The following INPP5A variants were observed in gnomAD, a reference collection of about 807,000 sequenced individuals.
INPP5A encodes the protein 43 kDa inositol polyphosphate 5-phophatase.
In INPP5A, 14 loss-of-function variants were observed where a neutral mutation model predicts 65.2. The observed-to-expected ratio is 0.21, with a 90% CI of 0.14 to 0.34. INPP5A has a LOEUF of 0.34. INPP5A is among the 10% of genes least tolerant of loss of function. The pLI is 1.00. For missense variants in INPP5A, 431 were observed against 545.6 expected (o/e 0.79, Z 2.09); for synonymous variants, 207 against 208.3 (o/e 0.99, Z 0.05).
intron 2 of INPP5A, among the ~76,000 whole-genome samples, chr10:132,617,449 C>G (rs1270266707): frequency 6.6e-6 from 1 of 152,198 alleles, no homozygotes; most frequent in Non-Finnish European, 1.5e-5. Flanking sequence ...CGCTCACTGC[C>G]TGGGTGAGAG....
intron 2 of INPP5A, among the ~76,000 whole-genome samples, chr10:132,632,611 G>A (rs1406060413): frequency 6.6e-6 from 1 of 152,196 alleles, no homozygotes; most frequent in African/African-American, 2.4e-5. Flanking sequence ...CACCACCACT[G>A]CACCCCGCCC....
intron 1 of INPP5A, among the ~76,000 whole-genome samples, chr10:132,577,398 C>T (rs974502734): frequency 2.6e-4 from 39 of 152,342 alleles, no homozygotes; most frequent in Admixed American, 5.9e-4. Context: ...TGGCATCCTA[C>T]AGGTGGCATT....
chr10:132,734,853 A>G (rs1348652440), intron 9 of INPP5A, among the ~76,000 whole-genome samples: 5 of 152,162 alleles, frequency 3.3e-5, no homozygotes, highest in Non-Finnish European at 7.3e-5. Context: ...GGCCGGCAGG[A>G]GTGTCTTGCA....
chr10:132,675,795 TAG>T lies in INPP5A; in HGVS notation c.307-14594_307-14593del, dbSNP rs541227930. Among the ~76,000 whole-genome samples, 56 of 152,184 alleles carry T rather than the reference TAG, an allele frequency of 3.7e-4. No homozygotes were observed. The highest frequency in any genetic ancestry group is 6.6e-4 in the Non-Finnish European group (45 of 68,026). ...TTAAAACTCAATTAAGGCTTTTGAG[TAG>T]AGTTTTATATGCCCTGAGCTTTTGT... On this transcript the variant is annotated intron_variant, in intron 4 of 15. Coordinates refer to ENST00000368594, the MANE Select transcript of INPP5A (RefSeq NM_005539.5). The surrounding 1 kb of genome is among the most constrained non-coding windows in gnomAD (Gnocchi z 4.2).
chr10:132,715,777 G>A (rs563474601), intron 8 of INPP5A, among the ~76,000 whole-genome samples: 5 of 152,308 alleles, frequency 3.3e-5, no homozygotes, highest in South Asian at 2.1e-4. Context: ...CGCTGGCCTC[G>A]GAGAACAGCT....
intron 2 of INPP5A, among the ~76,000 whole-genome samples, chr10:132,611,101 T>TGG (rs2071940564): frequency 2.2e-5 from 1 of 45,656 alleles, no homozygotes; most frequent in Non-Finnish European, 4.6e-5. Flanking sequence ...GGATGTGGGG[T>TGG]GGGAGGTGAG....
chr10:132,742,924 A>G (rs1001235769), intron 9 of INPP5A, among the ~76,000 whole-genome samples: 3 of 152,168 alleles, frequency 2.0e-5, no homozygotes, highest in African/African-American at 7.2e-5. Flanking sequence ...AGATGTTCCT[A>G]CGAACATCTG....
At chr10:132,730,787 G>T (rs758401473) in intron 9 of INPP5A, among the ~76,000 whole-genome samples, 4 of 152,172 alleles carry the variant, frequency 2.6e-5, no homozygotes, top group Non-Finnish European at 4.4e-5. Context: ...GAGCCTGACC[G>T]CAAGCTGCCT....
intron 2 of INPP5A, among the ~76,000 whole-genome samples, chr10:132,638,700 T>C (rs929613723): frequency 6.6e-6 from 1 of 152,184 alleles, no homozygotes; most frequent in African/African-American, 2.4e-5. Flanking sequence ...CCCAAGTAGC[T>C]GGGATCACAG....
At chr10:132,755,930 C>T (rs1846600195) in intron 11 of INPP5A, among the ~76,000 whole-genome samples, 2 of 152,208 alleles carry the variant, frequency 1.3e-5, no homozygotes, top group African/African-American at 4.8e-5. Context: ...ACGTTTGGCA[C>T]ATGTACCTGG....
At position 132,638,989 on chromosome 10, in the gene INPP5A, A is replaced by G. The variant is rs1322568758; in HGVS notation, c.118-6879A>G. The stretch of plus-strand genomic sequence containing the variant: ...TCATTATATATCACATCCCCTGCCT[A>G]CATAGAAAATTGGGGAGCAAATTTT... On this transcript the variant is annotated intron_variant, in intron 2 of 15. Coordinates refer to ENST00000368594, the MANE Select transcript of INPP5A (RefSeq NM_005539.5). Among the ~76,000 whole-genome samples, 5 of 152,160 alleles carry G rather than the reference A, an allele frequency of 3.3e-5. No individual in the cohort carries two copies. The East Asian group carries it at 7.7e-4, about 23-fold the overall frequency.
chr10:132,558,291 C>T (rs1203945541), intron 1 of INPP5A, among the ~76,000 whole-genome samples: 2 of 152,164 alleles, frequency 1.3e-5, no homozygotes, highest in African/African-American at 2.4e-5. Context: ...GCGCTGAGCA[C>T]GCTCTGGGGC....
rs1408678326 is a variant in INPP5A, at chr10:132,616,234, C to T, written c.117+8278C>T. ...AACCACAGGGTGGCGTGGGAGGCAG[C>T]TGCAGTGGGAGGTGCCTGTGCTTTG... is the stretch of plus-strand genomic sequence containing the variant. On this transcript the variant is annotated intron_variant, in intron 2 of 15. Coordinates refer to ENST00000368594, the MANE Select transcript of INPP5A (RefSeq NM_005539.5). This position sits in a 1 kb window ranked among gnomAD's most constrained non-coding sequence, Gnocchi z 4.9. Among the ~76,000 whole-genome samples the T allele has an allele frequency of 6.6e-6, 1 of 152,180 alleles. No individual in the cohort carries two copies. The highest frequency in any genetic ancestry group is 1.5e-5 in the Non-Finnish European group (1 of 68,028).
intron 2 of INPP5A, among the ~76,000 whole-genome samples, chr10:132,615,917 C>G (rs2072025309): frequency 6.6e-6 from 1 of 152,188 alleles, no homozygotes; most frequent in Admixed American, 6.5e-5. Flanking sequence ...AGCTGAGCCT[C>G]TCAGCTGAGA....
Position 132,727,021 on chromosome 10 carries a change from C to A in INPP5A, c.732+116C>A. ...TCAATGCCATCCGCCTCCCGGGATGCACTTTTTAAGGCAAAACCTTTCAAT... is the reference window on the plus strand; with the variant it reads ...TCAATGCCATCCGCCTCCCGGGATGAACTTTTTAAGGCAAAACCTTTCAAT... On this transcript the variant is annotated intron_variant, in intron 9 of 15. Transcript: ENST00000368594. This position sits in a 1 kb window ranked among gnomAD's most constrained non-coding sequence, Gnocchi z 6.5. The A allele has an allele frequency of 1.6e-6, 1 of 630,044 alleles. No homozygotes were observed. Among genetic ancestry groups the A allele is most frequent in the Non-Finnish European group, 2.6e-6 (1 of 378,146 alleles). 39.0% of individuals were successfully genotyped at this position (630,044 alleles called of 1,614,324 possible). A position where few individuals can be genotyped will look rare whatever the true frequency, so the allele number is the denominator to read the frequency against.
intron 13 of INPP5A, 136 bp from the exon 14 acceptor site, chr10:132,780,713 C>T: frequency 2.6e-6 from 2 of 756,842 alleles, no homozygotes. Flanking sequence ...GTGGCAGAGG[C>T]TGGGGAGGTA....
chr10:132,607,534 G>A (rs2071873520), intron 1 of INPP5A, among the ~76,000 whole-genome samples: 1 of 152,254 alleles, frequency 6.6e-6, no homozygotes, highest in South Asian at 2.1e-4. Flanking sequence ...GGCGGGTGTG[G>A]AAAGGTGCCA....
intron 8 of INPP5A, among the ~76,000 whole-genome samples, chr10:132,713,168 G>A (rs1472296150): frequency 6.6e-6 from 1 of 151,812 alleles, no homozygotes; most frequent in African/African-American, 2.4e-5. Flanking sequence ...GTGTGCGGGT[G>A]TGTGTGCATT....
chr10:132,749,277 C>T (rs1292722417), intron 9 of INPP5A, among the ~76,000 whole-genome samples: 5 of 151,420 alleles, frequency 3.3e-5, no homozygotes, highest in Admixed American at 1.3e-4. Context: ...GCAGCAGCTC[C>T]GGGGTGTCCT....
Sources: allele counts gnomAD v4.1 joint callset (sites outside exome capture counted in the v4.1 genomes callset), GRCh38; gene constraint gnomAD v4.1.1; non-coding constraint Gnocchi (gnomAD v3.1); transcripts MANE v1.5; gene names NCBI Gene and HGNC (gene_info 2026-07-23, HGNC 2026-07-21).